SEPTIN12: variants seen among roughly 807,000 people sequenced by gnomAD.
SEPTIN12 encodes septin-12.
A neutral mutation model predicts 37.7 loss-of-function variants in SEPTIN12; 42 were observed. The observed-to-expected ratio is 1.11, with a 90% CI of 0.87 to 1.44. The LOEUF (loss-of-function observed/expected upper bound fraction) is 1.44, where lower values mean the gene tolerates loss of function less well. Among genes scored for constraint, SEPTIN12 ranks in the 40% most tolerant of loss-of-function variants. The probability of loss-of-function intolerance (pLI) is 0.00; values close to 1 mark genes in which losing one functional copy is unlikely to be tolerated. For missense variants in SEPTIN12, 613 were observed against 479.2 expected (o/e 1.28, Z -2.61); for synonymous variants, 254 against 196.7 (o/e 1.29, Z -2.44).
chr16:4,784,674 G>A (rs2082414405), intron 4 of SEPTIN12, among the ~76,000 whole-genome samples: 1 of 149,638 alleles, frequency 6.7e-6, no homozygotes, highest in Non-Finnish European at 1.5e-5. Context: ...GGAGGCTGAG[G>A]CAGGAGGGTC....
chr16:4,787,780 C>A, intron 1 of SEPTIN12, 113 bp from the exon 2 acceptor site: 1 of 607,328 alleles, frequency 1.6e-6, no homozygotes, highest in Admixed American at 2.9e-5. Context: ...CCCCTCCACA[C>A]TTCATGCCTC....
chr16:4,784,809 AT>A (rs2082417476), intron 4 of SEPTIN12, among the ~76,000 whole-genome samples: 3 of 151,070 alleles, frequency 2.0e-5, no homozygotes, highest in East Asian at 1.9e-4. Context: ...AAATAAATAA[AT>A]AAATAAAATG....
chr16:4,789,045 G>GC (rs1186022550), upstream of SEPTIN12, among the ~76,000 whole-genome samples: 12 of 152,182 alleles, frequency 7.9e-5, no homozygotes, highest in African/African-American at 2.7e-4. Context: ...TTTTGAGACA[G>GC]CCTCGCTCTG....
At chr16:4,786,682 G>A (rs975367959) in intron 2 of SEPTIN12, among the ~76,000 whole-genome samples, 39 of 151,718 alleles carry the variant, frequency 2.6e-4, no homozygotes, top group Admixed American at 2.6e-4. Context: ...TTTTAAGACA[G>A]GGTCTCAATC....
Position 4,783,968 on chromosome 16 carries a change from G to A in SEPTIN12, c.475C>T (p.His159Tyr), listed in dbSNP as rs1184146048. ...RQRHIPDTRV[H>Y]CCVYFVPPTG... ...GGTGGTACAAAGTACACGCAGCAGTGCACCCGGGTGTCTGGGATGTGGCGC... is the reference window on the plus strand; with the variant it reads ...GGTGGTACAAAGTACACGCAGCAGTACACCCGGGTGTCTGGGATGTGGCGC... The change falls in exon 5 of 10, where the codon CAC becomes TAC. Residue 159 changes from histidine to tyrosine, a missense_variant. Coordinates refer to ENST00000268231, the MANE Select transcript of SEPTIN12 (RefSeq NM_144605.5). 3.1e-6 allele frequency: 5 copies of A among 1,614,164 alleles called. No individual in the cohort carries two copies. Among genetic ancestry groups the A allele is most frequent in the South Asian group, 1.1e-5 (1 of 91,078 alleles).
At chr16:4,786,944 G>C (rs1295571754) in intron 2 of SEPTIN12, among the ~76,000 whole-genome samples, 5 of 151,990 alleles carry the variant, frequency 3.3e-5, no homozygotes, top group African/African-American at 9.7e-5. Flanking sequence ...GCGCAATCTC[G>C]GCTCACTACA....
intron 1 of SEPTIN12, 115 bp from the exon 2 acceptor site, chr16:4,787,782 T>G: frequency 1.6e-6 from 1 of 607,160 alleles, no homozygotes. Context: ...CCTCCACACT[T>G]CATGCCTCTG....
intron 4 of SEPTIN12, among the ~76,000 whole-genome samples, chr16:4,785,110 C>T (rs753917522): frequency 6.6e-6 from 1 of 151,794 alleles, no homozygotes; most frequent in African/African-American, 2.4e-5. Context: ...AGTAGCCGAG[C>T]GTGTTGGCGG....
At chr16:4,782,812 C>T (rs1230640199) in intron 7 of SEPTIN12, among the ~76,000 whole-genome samples, 2 of 151,882 alleles carry the variant, frequency 1.3e-5, no homozygotes, top group Non-Finnish European at 2.9e-5. Context: ...GTCATGTTGG[C>T]CAGGCTGGTC....
At chr16:4,788,256 G>A (rs1466155652) in intron 1 of SEPTIN12, 24 bp downstream of exon 1, 1 of 154,242 alleles carries the variant, frequency 6.5e-6, no homozygotes, top group East Asian at 1.9e-4. Context: ...GGCAGAGAGA[G>A]AGAGAAGCAG....
intron 7 of SEPTIN12, among the ~76,000 whole-genome samples, chr16:4,781,105 A>G (rs1055919795): frequency 3.3e-5 from 5 of 151,880 alleles, no homozygotes; most frequent in Admixed American, 3.3e-4. Context: ...CCAAAAAGAC[A>G]ATAATTAGCC....
intron 7 of SEPTIN12, among the ~76,000 whole-genome samples, chr16:4,780,582 T>A (rs1464076381): frequency 6.6e-6 from 1 of 152,200 alleles, no homozygotes; most frequent in Non-Finnish European, 1.5e-5. Flanking sequence ...AAACTCCAGT[T>A]GTTTACTTGC....
At chr16:4,785,544 C>T (rs963838251) in intron 4 of SEPTIN12, among the ~76,000 whole-genome samples, 5 of 151,662 alleles carry the variant, frequency 3.3e-5, no homozygotes, top group Middle Eastern at 3.2e-3. Context: ...GAGGCCGAGG[C>T]GGGTGGATCA....
rs2082325387 is a variant in SEPTIN12 at position 4,777,642 on chromosome 16, G to A, written c.*155C>T. 3.2e-6 allele frequency: 2 copies of A among 630,292 alleles called. No homozygotes were observed. Among genetic ancestry groups the A allele is most frequent in the Non-Finnish European group, 5.5e-6 (2 of 361,718 alleles). 39.0% of individuals were successfully genotyped at this position (630,292 alleles called of 1,614,324 possible). Reference sequence around the variant, plus strand: ...CACCCAGCCTTTTTATTTGTGGATAGCTCAAAGAAGTCATTTACAAAATGC... The same window carrying A: ...CACCCAGCCTTTTTATTTGTGGATAACTCAAAGAAGTCATTTACAAAATGC... On this transcript the variant is annotated 3_prime_UTR_variant, in exon 10 of 10. Transcript: ENST00000268231.
At chr16:4,787,718 CA>C in intron 1 of SEPTIN12, 51 bp from the exon 2 acceptor site, 3 of 744,000 alleles carry the variant, frequency 4.0e-6, no homozygotes, top group Non-Finnish European at 6.7e-6. Context: ...CAGAGGAGCC[CA>C]CATTGACCTC....
At chr16:4,791,786 C>G (rs1387413942), upstream of SEPTIN12, among the ~76,000 whole-genome samples, 2 of 152,092 alleles carry the variant, frequency 1.3e-5, no homozygotes, top group South Asian at 2.1e-4. Flanking sequence ...CTCCCGGGTT[C>G]AAGTGATTCT....
chr16:4,778,101 C>G lies in SEPTIN12; in HGVS notation c.860G>C (p.Arg287Thr). The G allele has an allele frequency of 6.2e-7, 1 of 1,614,194 alleles. No homozygotes were observed. The highest frequency in any genetic ancestry group is 1.1e-5 in the South Asian group (1 of 91,076). The change falls in exon 9 of 10, where the codon AGA (arginine) becomes ACA (threonine). Residue 287 changes from arginine to threonine, a missense_variant. Arg to Thr is a moderately conservative substitution (Grantham distance 71). Transcript: ENST00000268231. ...ACACCCTCACCGGATAAGCAGGTCT[C>G]TCAGGAGAGGAAATTCACAGTGCGC... is the stretch of plus-strand genomic sequence containing the variant. ...NMAHCEFPLL[R>T]DLLIRSHLQD...
rs770750531 is a variant in SEPTIN12 at position 4,783,573 on chromosome 16, AG to A, written c.631-17del. 6.2e-7 allele frequency: 1 copy of A among 1,612,638 alleles called. No individual in the cohort carries two copies. Among genetic ancestry groups the A allele is most frequent in the Non-Finnish European group, 8.5e-7 (1 of 1,178,670 alleles). ...TCTGCTGGATCTGGAGATCCCACAC[AG>A]GTGACCTCAGCCCACCCTGCCCACT... On this transcript the variant is annotated splice_polypyrimidine_tract_variant and intron_variant, in intron 6 of 9. Coordinates refer to ENST00000268231, the MANE Select transcript of SEPTIN12 (RefSeq NM_144605.5).
intron 3 of SEPTIN12, 37 bp from the exon 4 acceptor site, chr16:4,785,925 C>G: frequency 1.3e-6 from 2 of 1,528,928 alleles, no homozygotes; most frequent in Non-Finnish European, 1.8e-6. Context: ...AGACTGGACC[C>G]AGGTGGGATG....
Sources: gnomAD v4.1 joint callset for allele counts (sites outside exome capture counted in the v4.1 genomes callset) on GRCh38, gnomAD v4.1.1 for gene constraint, MANE v1.5 for transcripts, NCBI Gene and HGNC (gene_info 2026-07-23, HGNC 2026-07-21) for gene names.